The following OTUD7A variants were observed in gnomAD, a reference collection of about 807,000 sequenced individuals.
The protein encoded by OTUD7A is OTU domain-containing protein 7A.
OTUD7A carries 12 observed loss-of-function variants against 65.7 expected under a neutral mutation model. The observed-to-expected ratio is 0.18, with a 90% CI of 0.12 to 0.30. The LOEUF is 0.30. OTUD7A is among the 10% of genes least tolerant of loss of function. OTUD7A has a pLI of 1.00. For synonymous variants in OTUD7A, 641 were observed against 586.3 expected (o/e 1.09, Z -1.35); for missense variants, 1,148 against 1,304.8 (o/e 0.88, Z 1.85).
chr15:31,545,961 G>T (rs1888118141), intron 5 of OTUD7A, among the ~76,000 whole-genome samples: 1 of 152,126 alleles, frequency 6.6e-6, no homozygotes, highest in Non-Finnish European at 1.5e-5. Flanking sequence ...ATTCCATAAA[G>T]TTCCAAAGAG....
intron 1 of OTUD7A, among the ~76,000 whole-genome samples, chr15:31,859,615 T>C (rs1019782468): frequency 2.0e-5 from 3 of 152,230 alleles, no homozygotes; most frequent in Non-Finnish European, 4.4e-5. Context: ...GTCCTCCCTG[T>C]TTCTCCTGGA....
At chr15:31,562,295 A>ACC (rs1355007409) in intron 4 of OTUD7A, among the ~76,000 whole-genome samples, 1 of 151,916 alleles carries the variant, frequency 6.6e-6, no homozygotes, top group East Asian at 1.9e-4. Flanking sequence ...ACTCCTGACT[A>ACC]CCCTCTCCAG....
At chr15:31,815,369 G>A (rs1482558512) in intron 1 of OTUD7A, among the ~76,000 whole-genome samples, 1 of 152,204 alleles carries the variant, frequency 6.6e-6, no homozygotes, top group Admixed American at 6.5e-5. Flanking sequence ...AGTCCCAAAG[G>A]TGAGTGACCA....
chr15:31,679,920 A>G (rs963073837), intron 1 of OTUD7A, among the ~76,000 whole-genome samples: 1 of 152,226 alleles, frequency 6.6e-6, no homozygotes, highest in African/African-American at 2.4e-5. Flanking sequence ...AAAAACATAA[A>G]AACAAGGCAT....
At chr15:31,493,345 CTATGT>C (rs1461457631) in intron 10 of OTUD7A, among the ~76,000 whole-genome samples, 2 of 152,132 alleles carry the variant, frequency 1.3e-5, no homozygotes, top group African/African-American at 2.4e-5. Flanking sequence ...CATAATCATC[CTATGT>C]GTATGCATGC....
At chr15:31,755,137 G>C (rs761689297) in intron 1 of OTUD7A, among the ~76,000 whole-genome samples, 1 of 151,776 alleles carries the variant, frequency 6.6e-6, no homozygotes, top group East Asian at 1.9e-4. Flanking sequence ...GGGAAGGTGG[G>C]AAGAGGGGAA....
intron 4 of OTUD7A, among the ~76,000 whole-genome samples, chr15:31,566,553 G>A (rs954523823): frequency 5.9e-5 from 9 of 152,290 alleles, no homozygotes; most frequent in East Asian, 5.8e-4. Context: ...CTTCAGAGTA[G>A]AAAAACAACA....
chr15:31,565,013 C>T (rs1306275619), intron 4 of OTUD7A, among the ~76,000 whole-genome samples: 3 of 152,036 alleles, frequency 2.0e-5, no homozygotes, highest in African/African-American at 7.2e-5. Context: ...TATGAATATA[C>T]ATATACCTAA....
At chr15:31,816,129 G>C (rs916855731) in intron 1 of OTUD7A, among the ~76,000 whole-genome samples, 12 of 152,266 alleles carry the variant, frequency 7.9e-5, no homozygotes, top group African/African-American at 2.9e-4. Flanking sequence ...TGAGGGCTCC[G>C]GCCTCTTTCC....
chr15:31,824,852 A>G (rs890518261), intron 1 of OTUD7A, among the ~76,000 whole-genome samples: 16 of 152,116 alleles, frequency 1.1e-4, no homozygotes, highest in African/African-American at 3.9e-4. Flanking sequence ...TTTTGGCTGG[A>G]TTTTGATATT....
chr15:31,839,532 G>T (rs902365798), intron 1 of OTUD7A, among the ~76,000 whole-genome samples: 2 of 152,154 alleles, frequency 1.3e-5, no homozygotes, highest in Admixed American at 6.5e-5. Flanking sequence ...GGCATATCCT[G>T]CCAAAGACAC....
chr15:31,694,407 C>T (rs927815286), intron 1 of OTUD7A, among the ~76,000 whole-genome samples: 5 of 152,286 alleles, frequency 3.3e-5, no homozygotes, highest in Non-Finnish European at 7.4e-5. Flanking sequence ...CCCCTCAAGC[C>T]CCCTTCCCCC....
In OTUD7A at chr15:31,483,216, C is replaced by T. The variant is rs2041159524; in HGVS notation, c.*78G>A. On this transcript the variant is annotated 3_prime_UTR_variant, in exon 13 of 13. Transcript: ENST00000307050. The stretch of plus-strand genomic sequence containing the variant: ...GCGCCGGCCTTCCGGTGGACCAGGG[C>T]ATGTAAAAAAGACACCGACACAATG... The T allele has an allele frequency of 8.7e-6, 9 of 1,039,208 alleles. No individual in the cohort carries two copies. Among genetic ancestry groups the T allele is most frequent in the Non-Finnish European group, 8.1e-6 (7 of 865,080 alleles). The allele number at this position is 1,039,208 out of a possible 1,614,324, so 64.4% of individuals were successfully genotyped here.
At chr15:31,510,239 G>C (rs955174333) in intron 8 of OTUD7A, among the ~76,000 whole-genome samples, 7 of 152,064 alleles carry the variant, frequency 4.6e-5, no homozygotes, top group South Asian at 2.1e-4. Flanking sequence ...GTCGTTAGTC[G>C]TAAGAGTTAG....
At chr15:31,623,019 T>A (rs1477082306) in intron 3 of OTUD7A, among the ~76,000 whole-genome samples, 1 of 152,236 alleles carries the variant, frequency 6.6e-6, no homozygotes, top group Non-Finnish European at 1.5e-5. Flanking sequence ...TGGAGTTTGC[T>A]GGAGGTCCAC....
chr15:31,811,885 G>A (rs1470439217), intron 1 of OTUD7A, among the ~76,000 whole-genome samples: 1 of 152,218 alleles, frequency 6.6e-6, no homozygotes, highest in Non-Finnish European at 1.5e-5. Context: ...GAGCAACAGT[G>A]AGCATTCACT....
At chr15:31,558,696 G>C (rs977201731) in intron 5 of OTUD7A, 2 of 525,464 alleles carry the variant, frequency 3.8e-6, no homozygotes, top group Non-Finnish European at 6.8e-6. Flanking sequence ...AAGAAGCATA[G>C]AGTTCTCCTT....
intron 1 of OTUD7A, among the ~76,000 whole-genome samples, chr15:31,702,677 C>A (rs1893239691): frequency 6.6e-6 from 1 of 151,936 alleles, no homozygotes; most frequent in South Asian, 2.1e-4. Context: ...CAATACTCCC[C>A]AAATTGATGT....
At chr15:31,761,015 C>A (rs945861062) in intron 1 of OTUD7A, among the ~76,000 whole-genome samples, 2 of 151,930 alleles carry the variant, frequency 1.3e-5, no homozygotes, top group African/African-American at 4.8e-5. Flanking sequence ...TCACACTGTA[C>A]ACAAAAATTA....
Sources: gnomAD v4.1 joint callset for allele counts (sites outside exome capture counted in the v4.1 genomes callset) on GRCh38, gnomAD v4.1.1 for gene constraint, MANE v1.5 for transcripts, NCBI Gene and HGNC (gene_info 2026-07-23, HGNC 2026-07-21) for gene names.